COMMD1: variants seen among roughly 807,000 people sequenced by gnomAD.
COMMD1 encodes COMM domain-containing protein 1.
COMMD1 carries 10 observed loss-of-function variants against 17.2 expected under a neutral mutation model. The observed-to-expected ratio is 0.58, with a 90% CI of 0.36 to 0.99. The LOEUF is 0.99. Ranked by LOEUF, COMMD1 falls within the 50% of genes least tolerant of loss-of-function variation. The pLI, the probability that COMMD1 is intolerant of heterozygous loss-of-function variation, is 0.01. For missense variants in COMMD1, 270 were observed against 231.8 expected, an observed-to-expected ratio of 1.17 and a Z score of -1.07; for synonymous variants, 97 against 91.6, an observed-to-expected ratio of 1.06 and a Z score of -0.34.
chr2:61,954,754 T>C (rs1671151575), intron 1 of COMMD1, among the ~76,000 whole-genome samples: 1 of 152,148 alleles, frequency 6.6e-6, no homozygotes, highest in Non-Finnish European at 1.5e-5. Context: ...CGATCTTGGC[T>C]CATTGCAGCC....
chr2:62,081,321 G>A (rs1462765568), intron 2 of COMMD1, among the ~76,000 whole-genome samples: 4 of 149,894 alleles, frequency 2.7e-5, no homozygotes, highest in South Asian at 4.2e-4. Context: ...GCGTGATCTC[G>A]GCTCACTGCA....
intron 2 of COMMD1, among the ~76,000 whole-genome samples, chr2:62,004,431 A>G (rs1669057369): frequency 6.6e-6 from 1 of 151,978 alleles, no homozygotes; most frequent in Admixed American, 6.6e-5. Context: ...CTCCCCGAGT[A>G]GCTGGGATTA....
At chr2:61,984,919 CTT>C (rs1301864340) in intron 1 of COMMD1, among the ~76,000 whole-genome samples, 2 of 149,708 alleles carry the variant, frequency 1.3e-5, no homozygotes, top group African/African-American at 4.9e-5. Flanking sequence ...TTTTTGGTCT[CTT>C]TTGTAGTTTT....
chr2:61,913,888 C>T (rs1477024154), intron 1 of COMMD1, among the ~76,000 whole-genome samples: 2 of 150,528 alleles, frequency 1.3e-5, no homozygotes, highest in African/African-American at 2.4e-5. Flanking sequence ...TATTTGGAAC[C>T]CCCCTGGGTG....
intron 2 of COMMD1, among the ~76,000 whole-genome samples, chr2:62,125,687 A>G (rs567390757): frequency 1.6e-4 from 24 of 152,236 alleles, no homozygotes; most frequent in Non-Finnish European, 2.9e-4. Context: ...AGCATAAACT[A>G]TCCATTGTAT....
chr2:61,939,696 C>T (rs1670691551), intron 1 of COMMD1, among the ~76,000 whole-genome samples: 1 of 152,136 alleles, frequency 6.6e-6, no homozygotes, highest in Admixed American at 6.5e-5. Context: ...AATTTGCTTA[C>T]AAAAACATAG....
chr2:61,957,168 G>T (rs1671221774), intron 1 of COMMD1, among the ~76,000 whole-genome samples: 1 of 151,884 alleles, frequency 6.6e-6, no homozygotes, highest in Non-Finnish European at 1.5e-5. Flanking sequence ...CAAGAATGCA[G>T]TGGGGTGTTT....
chr2:61,943,018 C>T (rs1670793928), intron 1 of COMMD1, among the ~76,000 whole-genome samples: 1 of 152,102 alleles, frequency 6.6e-6, no homozygotes, highest in Non-Finnish European at 1.5e-5. Flanking sequence ...TACCAGTTTG[C>T]AAACAATAGT....
chr2:62,019,524 C>G (rs1669555343), intron 2 of COMMD1, among the ~76,000 whole-genome samples: 1 of 152,040 alleles, frequency 6.6e-6, no homozygotes. Context: ...GAGTGGAGCC[C>G]TCATGATATA....
chr2:61,933,943 T>G (rs1281532276), intron 1 of COMMD1, among the ~76,000 whole-genome samples: 3 of 152,034 alleles, frequency 2.0e-5, no homozygotes. Flanking sequence ...TTTTGTATTT[T>G]TAGTAGAGAT....
At chr2:62,047,472 CT>C (rs113295193) in intron 2 of COMMD1, among the ~76,000 whole-genome samples, 52 of 147,084 alleles carry the variant, frequency 3.5e-4, no homozygotes, top group Admixed American at 2.7e-4. Flanking sequence ...TTCTTCCTTT[CT>C]TTTTTTTTTT....
rs1208664968 is a variant in COMMD1, at chr2:61,937,257, C to T, written c.180+31399C>T. The stretch of plus-strand genomic sequence containing the variant: ...ATTACCCCCACTTCACTTTCATGGC[C>T]TGAACCAGTCTTTCTGGTTAAATTT... On this transcript the variant is annotated intron_variant, in intron 1 of 2. Coordinates refer to ENST00000311832, the MANE Select transcript of COMMD1 (RefSeq NM_152516.4). Among the ~76,000 whole-genome samples, 5 of 152,312 alleles carry T rather than the reference C, an allele frequency of 3.3e-5. No homozygotes were observed. In the East Asian group the frequency reaches 9.6e-4, roughly 29 times the overall value.
At chr2:61,898,831 C>G (rs570868532) in intron 1 of COMMD1, among the ~76,000 whole-genome samples, 1 of 152,254 alleles carries the variant, frequency 6.6e-6, no homozygotes, top group South Asian at 2.1e-4. Flanking sequence ...TTACCGTTTC[C>G]TTGCCTTAGA....
chr2:62,123,512 T>TA (rs889855618), intron 2 of COMMD1, among the ~76,000 whole-genome samples: 14 of 74,604 alleles, frequency 1.9e-4, no homozygotes, highest in African/African-American at 5.2e-4. Flanking sequence ...AAAAAAAAAT[T>TA]AAAAAAAAAG....
chr2:62,134,950 C>T (rs189340562), intron 2 of COMMD1, among the ~76,000 whole-genome samples: 27 of 152,296 alleles, frequency 1.8e-4, no homozygotes, highest in Admixed American at 9.2e-4. Flanking sequence ...TTATCTGGCT[C>T]ATGTTTCCCA....
chr2:62,064,934 A>G (rs1670986113), intron 2 of COMMD1, among the ~76,000 whole-genome samples: 1 of 152,176 alleles, frequency 6.6e-6, no homozygotes, highest in African/African-American at 2.4e-5. Flanking sequence ...TTGGAGGCCG[A>G]GGCAGATAGA....
intron 1 of COMMD1, among the ~76,000 whole-genome samples, chr2:61,891,762 T>C (rs1421582945): frequency 6.6e-6 from 1 of 150,998 alleles, no homozygotes; most frequent in East Asian, 1.9e-4. Context: ...TTGTGTAGAG[T>C]ACTTTAAGCA....
intron 2 of COMMD1, among the ~76,000 whole-genome samples, chr2:62,007,333 C>T (rs1050553906): frequency 6.6e-6 from 1 of 152,074 alleles, no homozygotes; most frequent in Non-Finnish European, 1.5e-5. Flanking sequence ...ACTGACCATA[C>T]ATTACAGAAT....
upstream of COMMD1, among the ~76,000 whole-genome samples, chr2:61,904,808 A>G (rs1305382628): frequency 1.3e-5 from 2 of 152,188 alleles, no homozygotes; most frequent in South Asian, 2.1e-4. Flanking sequence ...CATGCCCCAA[A>G]GAAACTCTGT....
Sources: gnomAD v4.1 joint callset for allele counts (sites outside exome capture counted in the v4.1 genomes callset) on GRCh38, gnomAD v4.1.1 for gene constraint, MANE v1.5 for transcripts, NCBI Gene and HGNC (gene_info 2026-07-23, HGNC 2026-07-21) for gene names.